ABCA4: variants seen among roughly 807,000 people sequenced by gnomAD.
ABCA4 encodes ATP binding cassette subfamily A member 4.
A neutral mutation model predicts 263.7 loss-of-function variants in ABCA4; 196 were observed. The observed-to-expected ratio is 0.74, with a 90% CI of 0.66 to 0.84. The LOEUF (loss-of-function observed/expected upper bound fraction) is 0.84, where lower values mean the gene tolerates loss of function less well. ABCA4 is among the 40% of genes least tolerant of loss of function. The pLI is 0.00. For synonymous variants in ABCA4, 1,133 were observed against 1,094.2 expected, an observed-to-expected ratio of 1.04 and a Z score of -0.70; for missense variants, 2,792 against 2,855.1, an observed-to-expected ratio of 0.98 and a Z score of 0.50.
At chr1:94,080,191 T>C (rs1276140210) in intron 8 of ABCA4, among the ~76,000 whole-genome samples, 2 of 152,206 alleles carry the variant, frequency 1.3e-5, no homozygotes, top group Non-Finnish European at 2.9e-5. Flanking sequence ...GATCATTCTC[T>C]TCCTCTTGAA....
chr1:94,099,077 G>T, intron 5 of ABCA4, 86 bp from the exon 6 acceptor site: 1 of 1,377,848 alleles, frequency 7.3e-7, no homozygotes, highest in Non-Finnish European at 1.0e-6. Flanking sequence ...GGAATACCTT[G>T]TGTTACATGG....
intron 2 of ABCA4, 120 bp from the exon 3 acceptor site, chr1:94,111,699 C>T (rs1049154267): frequency 1.8e-5 from 22 of 1,221,992 alleles, no homozygotes; most frequent in Non-Finnish European, 2.6e-5. Context: ...CCTTCATTCT[C>T]AGCATTTAAG....
In ABCA4 at chr1:93,996,111, G is replaced by T. The variant is rs765900918; in HGVS notation, c.6814C>A (p.Gln2272Lys). The T allele has an allele frequency of 1.2e-6, 2 of 1,613,806 alleles. No individual in the cohort carries two copies. The highest frequency in any genetic ancestry group is 1.7e-6 in the Non-Finnish European group (2 of 1,179,942). Residue 2272 changes from glutamine to lysine, a missense_variant and splice_region_variant, in exon 49 of 50, where the codon CAG (glutamine) becomes AAG (lysine). Transcript: ENST00000370225. ...GACTGCATAAGCAGCAGGGGTACCT[G>T]GGCTTGTCGACTGGCTCCAGCAGCT... ...PRAAGASRQAQD is the reference protein window; with the variant it reads ...PRAAGASRQAKD
intron 8 of ABCA4, among the ~76,000 whole-genome samples, chr1:94,080,132 G>A (rs1194063766): frequency 6.6e-6 from 1 of 152,076 alleles, no homozygotes; most frequent in Non-Finnish European, 1.5e-5. Flanking sequence ...TACTTGCCAG[G>A]GCCCTTCTGA....
intron 38 of ABCA4, among the ~76,000 whole-genome samples, chr1:94,012,868 C>G (rs929043969): frequency 1.3e-5 from 2 of 150,072 alleles, no homozygotes; most frequent in African/African-American, 2.5e-5. Flanking sequence ...CAGCACACAC[C>G]CGGCACGTGG....
chr1:94,042,098 CAAAAAA>C (rs11334956), intron 22 of ABCA4, among the ~76,000 whole-genome samples: 1 of 81,270 alleles, frequency 1.2e-5, no homozygotes, highest in Admixed American at 1.5e-4. Context: ...GATTCTGTCT[CAAAAAA>C]AAAAAAAAAA....
chr1:93,999,912 T>C (rs558734105), intron 47 of ABCA4, among the ~76,000 whole-genome samples: 2 of 152,238 alleles, frequency 1.3e-5, no homozygotes. Flanking sequence ...TCTATAGATA[T>C]CTATGCAGTG....
chr1:94,111,984 AG>A (rs1423193235), intron 2 of ABCA4, among the ~76,000 whole-genome samples: 1 of 152,210 alleles, frequency 6.6e-6, no homozygotes, highest in African/African-American at 2.4e-5. Flanking sequence ...CCAAGCATGC[AG>A]TAGGGCTGCA....
Position 94,113,013 on chromosome 1 carries a change from GATCAAGACCA to G in ABCA4, c.110_119del (p.Leu37ProfsTer3). On this transcript the variant is annotated frameshift_variant, in exon 2 of 50. Transcript: ENST00000370225. LOFTEE classifies it high-confidence loss of function. ...AGAGTGGGTTGGCATTCCTTAACCAGATCAAGACCAGAAATAAAGATAAAGGCCACACGAG... is the reference window on the plus strand; with the variant it reads ...AGAGTGGGTTGGCATTCCTTAACCAGGAAATAAAGATAAAGGCCACACGAG... 6.2e-7 allele frequency: 1 copy of G among 1,614,066 alleles called. No homozygotes were observed. The highest frequency in any genetic ancestry group is 8.5e-7 in the Non-Finnish European group (1 of 1,180,010).
intron 20 of ABCA4, 93 bp downstream of exon 20, chr1:94,044,516 CCCAG>C: frequency 6.3e-7 from 1 of 1,586,410 alleles, no homozygotes; most frequent in Non-Finnish European, 8.6e-7. Flanking sequence ...TCTGCCTGTG[CCCAG>C]GCCTGGCACC....
chr1:94,069,688 C>T (rs1454659629), intron 11 of ABCA4, among the ~76,000 whole-genome samples: 1 of 152,116 alleles, frequency 6.6e-6, no homozygotes, highest in Admixed American at 6.5e-5. Context: ...GATTTATTTC[C>T]CACTACATGG....
At chr1:94,097,493 T>C (rs1662153792) in intron 6 of ABCA4, among the ~76,000 whole-genome samples, 1 of 152,188 alleles carries the variant, frequency 6.6e-6, no homozygotes, top group African/African-American at 2.4e-5. Context: ...TACAACACAG[T>C]TCTAGAAATT....
chr1:94,055,037 T>A, intron 16 of ABCA4, 74 bp downstream of exon 16: 2 of 1,411,912 alleles, frequency 1.4e-6, no homozygotes, highest in Non-Finnish European at 2.0e-6. Flanking sequence ...AAATGAAATT[T>A]AAACTAGATG....
chr1:94,019,080 C>T (rs1379313438), intron 36 of ABCA4, among the ~76,000 whole-genome samples: 2 of 129,504 alleles, frequency 1.5e-5, no homozygotes, highest in African/African-American at 6.0e-5. Flanking sequence ...TTTGAAGTAG[C>T]ATATGCTTAT....
intron 11 of ABCA4, among the ~76,000 whole-genome samples, chr1:94,072,027 G>A (rs539042989): frequency 3.2e-4 from 49 of 152,288 alleles, no homozygotes; most frequent in African/African-American, 1.2e-3. Context: ...TACATGATCA[G>A]CAGCTTTATC....
chr1:94,103,071 C>A lies in ABCA4; in HGVS notation c.514G>T (p.Gly172Cys). Residue 172 changes from glycine to cysteine, a missense_variant, in exon 5 of 50, where the codon GGC (glycine) becomes TGC (cysteine). Physicochemically the swap from Gly to Cys is radical, Grantham distance 159 (BLOSUM62 -3). Coordinates refer to ENST00000370225, the MANE Select transcript of ABCA4 (RefSeq NM_000350.3). ...TLTLFLIKNI[G>C]LSDSVVYLLI... ...AGGTAGACCACTGAGTCAGACAGGC[C>A]GATGTTTTTAATGAGAAATAGTGTC... The A allele has an allele frequency of 1.2e-6, 2 of 1,614,088 alleles. No individual in the cohort carries two copies. The highest frequency in any genetic ancestry group is 2.2e-5 in the East Asian group (1 of 44,884).
chr1:94,058,803 C>A lies in ABCA4; in HGVS notation c.2160+1734G>T, dbSNP rs533781614. ...GACCCTACAGTTTCACCAGCTGTGG[C>A]TTCCTCAGATGGCCACTTTTCTTTT... On this transcript the variant is annotated intron_variant, in intron 14 of 49. Transcript: ENST00000370225. 3.9e-4 allele frequency among the ~76,000 whole-genome samples: 59 copies of A among 152,364 alleles called. 1 individual carries two copies. The South Asian group carries it at 0.012, about 31-fold the overall frequency.
At chr1:94,022,679 T>G (rs564417378) in intron 32 of ABCA4, among the ~76,000 whole-genome samples, 1 of 152,158 alleles carries the variant, frequency 6.6e-6, no homozygotes, top group African/African-American at 2.4e-5. Flanking sequence ...GAAGCCAAAG[T>G]CAACAGAACA....
chr1:94,042,315 G>A (rs867209178), intron 22 of ABCA4, among the ~76,000 whole-genome samples: 2 of 152,158 alleles, frequency 1.3e-5, no homozygotes, highest in South Asian at 4.2e-4. Flanking sequence ...TCTGAGAGGT[G>A]CCATGACAGA....
Sources: allele counts gnomAD v4.1 joint callset (sites outside exome capture counted in the v4.1 genomes callset), GRCh38; gene constraint gnomAD v4.1.1; transcripts MANE v1.5; gene names NCBI Gene and HGNC (gene_info 2026-07-23, HGNC 2026-07-21).